ARHGAP29: variants seen among roughly 807,000 people sequenced by gnomAD.
The protein encoded by ARHGAP29 is rho GTPase-activating protein 29.
Under a neutral mutation model 122.6 loss-of-function variants are expected in ARHGAP29, and 43 were observed. The observed-to-expected ratio is 0.35, with a 90% confidence interval of 0.27 to 0.45. The LOEUF is 0.45. ARHGAP29 is among the 20% of genes least tolerant of loss of function. The probability of loss-of-function intolerance (pLI) is 1.00; values close to 1 mark genes in which losing one functional copy is unlikely to be tolerated. For synonymous variants in ARHGAP29, 506 were observed against 497.1 expected (o/e 1.02, Z -0.24); for missense variants, 1,303 against 1,477.2 (o/e 0.88, Z 1.93).
chr1:94,242,149 A>G (rs1273040351), upstream of ARHGAP29, among the ~76,000 whole-genome samples: 1 of 152,174 alleles, frequency 6.6e-6, no homozygotes, highest in African/African-American at 2.4e-5. Context: ...CACAACAAGG[A>G]TTGGCAAATA....
intron 12 of ARHGAP29, among the ~76,000 whole-genome samples, chr1:94,197,609 A>T: frequency 6.6e-6 from 1 of 152,184 alleles, no homozygotes; most frequent in Middle Eastern, 3.2e-3. Context: ...AAAAATACTC[A>T]ACAAAGTAGC....
chr1:94,274,066 A>C (rs1042322961), intron 1 of ARHGAP29, among the ~76,000 whole-genome samples: 1 of 152,212 alleles, frequency 6.6e-6, no homozygotes, highest in Non-Finnish European at 1.5e-5. Context: ...CACTATCCAA[A>C]TAAGAAAACC....
chr1:94,174,565 A>G lies in ARHGAP29; in HGVS notation c.3090T>C (p.Pro1030=). The change falls in exon 23 of 23, where the codon CCT becomes CCC. Residue 1030 remains proline, a synonymous_variant. Coordinates refer to ENST00000260526, the MANE Select transcript of ARHGAP29 (RefSeq NM_004815.4). ...TATTTCTGCCATTTCTCTCATTAGG[A>G]GGACTTGCAAGAAGTAGTCTATCTA... ...LPVDRLLLAS[P]PNERNGRNMG... is the part of the protein sequence containing the mutation. 6.2e-7 allele frequency: 1 copy of G among 1,614,156 alleles called. No homozygotes were observed. Among genetic ancestry groups the G allele is most frequent in the Non-Finnish European group, 8.5e-7 (1 of 1,180,020 alleles).
chr1:94,171,502 C>CCCTTG lies in ARHGAP29; in HGVS notation c.*2366_*2367insCAAGG, dbSNP rs1648736116. On this transcript the variant is annotated 3_prime_UTR_variant, in exon 23 of 23. Coordinates refer to ENST00000260526, the MANE Select transcript of ARHGAP29 (RefSeq NM_004815.4). ...AGCACTAACAGGGCTCCTGCTGTTG[C>CCCTTG]CCTTTCCTTTTGGTCACGTATCTTT... 6.6e-6 allele frequency among the ~76,000 whole-genome samples: 1 copy of CCCTTG among 151,968 alleles called. No homozygotes were observed. The highest frequency in any genetic ancestry group is 2.4e-5 in the African/African-American group (1 of 41,366).
At chr1:94,271,395 T>TCC (rs1454612196) in intron 1 of ARHGAP29, among the ~76,000 whole-genome samples, 11 of 152,222 alleles carry the variant, frequency 7.2e-5, no homozygotes, top group Admixed American at 6.5e-4. Context: ...CACTCAAGGG[T>TCC]AGGGGATTAC....
Position 94,191,684 on chromosome 1 carries a change from T to C in ARHGAP29, c.1282-1601A>G, listed in dbSNP as rs531445988. Reference sequence around the variant, plus strand: ...TTTATAATTTATTTAAACCAGTGCATTGAAAAAGTTAATGTGCAAATGAAT... The same window carrying C: ...TTTATAATTTATTTAAACCAGTGCACTGAAAAAGTTAATGTGCAAATGAAT... On this transcript the variant is annotated intron_variant, in intron 12 of 22. Transcript: ENST00000260526. 5.3e-5 allele frequency: 8 copies of C among 152,296 alleles called. No individual in the cohort carries two copies. The South Asian group carries it at 6.2e-4, about 12-fold the overall frequency. 9.4% of individuals were successfully genotyped at this position (152,296 alleles called of 1,614,324 possible).
chr1:94,190,118 T>C, intron 12 of ARHGAP29, 35 bp from the exon 13 acceptor site: 1 of 1,603,866 alleles, frequency 6.2e-7, no homozygotes, highest in South Asian at 1.1e-5. Context: ...GAGTAACTCA[T>C]GATATACAGA....
chr1:94,247,666 C>T (rs1241251911), intron 1 of ARHGAP29, among the ~76,000 whole-genome samples: 1 of 151,696 alleles, frequency 6.6e-6, no homozygotes, highest in African/African-American at 2.4e-5. Context: ...CCCCCACGGC[C>T]CGCAGACGCC....
intron 1 of ARHGAP29, among the ~76,000 whole-genome samples, chr1:94,235,403 T>C (rs989669646): frequency 6.6e-6 from 1 of 152,186 alleles, no homozygotes; most frequent in Non-Finnish European, 1.5e-5. Context: ...AATTAGGTAA[T>C]GACGCATGCA....
the ARHGAP29 span, among the ~76,000 whole-genome samples, chr1:94,300,599 T>C: frequency 6.6e-6 from 1 of 152,212 alleles, no homozygotes; most frequent in East Asian, 1.9e-4. Context: ...ATTATCTTCA[T>C]AGAATGTAAT....
In ARHGAP29 at chr1:94,189,421, C is replaced by A. The variant is rs952011867; in HGVS notation, c.1440-69G>T. The A allele has an allele frequency of 2.8e-6, 4 of 1,438,232 alleles. No homozygotes were observed. In the African/African-American group the frequency reaches 4.3e-5, roughly 16 times the overall value. 89.1% of individuals were successfully genotyped at this position (1,438,232 alleles called of 1,614,324 possible). On this transcript the variant is annotated intron_variant, in intron 13 of 22. Coordinates refer to ENST00000260526, the MANE Select transcript of ARHGAP29 (RefSeq NM_004815.4). Reference sequence around the variant, plus strand: ...AGAATAATAATCAGTTGATTTCATTCTATGTTTAGAAAAATCTATTAATTT... The same window carrying A: ...AGAATAATAATCAGTTGATTTCATTATATGTTTAGAAAAATCTATTAATTT...
rs762740606 is a variant in ARHGAP29 at position 94,189,970 on chromosome 1, T to C, written c.1395A>G (p.Glu465=). 2.5e-6 allele frequency: 4 copies of C among 1,613,486 alleles called. No individual in the cohort carries two copies. In the Admixed American group the frequency reaches 5.0e-5, roughly 20 times the overall value. The change falls in exon 13 of 23, where the codon GAA becomes GAG. Residue 465 remains glutamate, a synonymous_variant. Transcript: ENST00000260526. ...KLYDPGQEYS[E]FVKATNSTEE... ...CAGTTGAATTTGTGGCCTTGACAAA[T>C]TCACTGTACTCTTGGCCTGGGTCAT...
At chr1:94,305,451 T>C in the ARHGAP29 span, among the ~76,000 whole-genome samples, 35 of 152,198 alleles carry the variant, frequency 2.3e-4, no homozygotes, top group African/African-American at 8.4e-4. Flanking sequence ...TGACAGAAGA[T>C]GGGTCAGGAA....
intron 3 of ARHGAP29, among the ~76,000 whole-genome samples, chr1:94,213,565 T>C (rs901037892): frequency 6.6e-6 from 1 of 152,210 alleles, no homozygotes; most frequent in Non-Finnish European, 1.5e-5. Context: ...GGGCCATAGA[T>C]GATACATAAA....
At position 94,186,615 on chromosome 1, in the gene ARHGAP29, A is replaced by C. The variant is rs531049419; in HGVS notation, c.1682-18T>G. The C allele has an allele frequency of 1.2e-4, 180 of 1,538,176 alleles. 1 individual carries two copies. The South Asian group carries it at 1.8e-3, about 16-fold the overall frequency. On this transcript the variant is annotated intron_variant, in intron 15 of 22. Coordinates refer to ENST00000260526, the MANE Select transcript of ARHGAP29 (RefSeq NM_004815.4). ...AAAGTCTCCTAGAAGAAAATTGTGGATACAATTACCTGACCATTCATTGTA... is the reference window on the plus strand; with the variant it reads ...AAAGTCTCCTAGAAGAAAATTGTGGCTACAATTACCTGACCATTCATTGTA...
At chr1:94,209,409 A>C in intron 3 of ARHGAP29, 59 bp from the exon 4 acceptor site, 1 of 1,033,518 alleles carries the variant, frequency 9.7e-7, no homozygotes, top group South Asian at 1.6e-5. Flanking sequence ...ATTTATACAG[A>C]ATCATTTAAT....
intron 1 of ARHGAP29, among the ~76,000 whole-genome samples, chr1:94,272,190 GA>G (rs1655017019): frequency 6.6e-6 from 1 of 152,206 alleles, no homozygotes; most frequent in Non-Finnish European, 1.5e-5. Flanking sequence ...AGTAAAGGTT[GA>G]GGGTAAGAGA....
At chr1:94,296,255 C>T in the ARHGAP29 span, among the ~76,000 whole-genome samples, 10 of 152,282 alleles carry the variant, frequency 6.6e-5, no homozygotes, top group Middle Eastern at 3.4e-3. Context: ...ATGCTCCCTG[C>T]CTGCTAGTCA....
chr1:94,263,442 A>C (rs1654639017), intron 1 of ARHGAP29, among the ~76,000 whole-genome samples: 1 of 152,154 alleles, frequency 6.6e-6, no homozygotes, highest in Admixed American at 6.5e-5. Flanking sequence ...TTCATCTGCA[A>C]TCAGAAAATG....
Sources: gnomAD v4.1 joint callset for allele counts (sites outside exome capture counted in the v4.1 genomes callset) on GRCh38, gnomAD v4.1.1 for gene constraint, MANE v1.5 for transcripts, NCBI Gene and HGNC (gene_info 2026-07-23, HGNC 2026-07-21) for gene names.